ACE: variants seen among roughly 807,000 people sequenced by gnomAD.
The protein encoded by ACE is angiotensin-converting enzyme.
In ACE, 122 loss-of-function variants were observed where a neutral mutation model predicts 162.3. The ratio of observed to expected loss-of-function variants is 0.75; its 90% CI spans 0.65 to 0.87. ACE has a LOEUF of 0.87. Ranked by LOEUF, ACE falls within the 40% of genes least tolerant of loss-of-function variation. The probability of loss-of-function intolerance (pLI) is 0.00; values close to 1 mark genes in which losing one functional copy is unlikely to be tolerated. For missense variants in ACE, 1,799 were observed against 1,735.1 expected (o/e 1.04, Z -0.65); for synonymous variants, 796 against 720.6 (o/e 1.10, Z -1.68).
At chr17:63,485,497 C>T (rs1216457399) in intron 13 of ACE, 125 bp downstream of exon 13, 29 of 1,408,340 alleles carry the variant, frequency 2.1e-5, no homozygotes, top group East Asian at 7.5e-5. Flanking sequence ...TACTCAATTT[C>T]GGGCCGGGCG....
Position 63,494,654 on chromosome 17 carries a change from C to T in ACE, c.3380+184C>T, listed in dbSNP as rs556736932. 5.9e-5 allele frequency among the ~76,000 whole-genome samples: 9 copies of T among 152,358 alleles called. No homozygotes were observed. The East Asian group carries it at 1.7e-3, about 29-fold the overall frequency. Reference sequence around the variant, plus strand: ...GCTGATGGGTTTTTTCTTGAACATTCTTTTGATGAGAGTCTGTACCATCCA... The same window carrying T: ...GCTGATGGGTTTTTTCTTGAACATTTTTTTGATGAGAGTCTGTACCATCCA... On this transcript the variant is annotated intron_variant, in intron 22 of 24. Transcript: ENST00000290866.
In ACE at chr17:63,479,105, G is replaced by A. The variant is rs754592828; in HGVS notation, c.511+5G>A. 101 of 1,609,004 alleles carry A rather than the reference G, an allele frequency of 6.3e-5. No individual in the cohort carries two copies. Among genetic ancestry groups the A allele is most frequent in the Non-Finnish European group, 8.2e-5 (97 of 1,177,676 alleles). On this transcript the variant is annotated splice_donor_5th_base_variant and intron_variant, in intron 3 of 24. Coordinates refer to ENST00000290866, the MANE Select transcript of ACE (RefSeq NM_000789.4). ...CCTGCTGGTCCCTGGACCCAGGTAC[G>A]GCCCTTGCAGCTCCCCTCTCGGCGG... is the stretch of plus-strand genomic sequence containing the variant.
chr17:63,482,223 C>T (rs1006125397), intron 7 of ACE, among the ~76,000 whole-genome samples: 1 of 152,110 alleles, frequency 6.6e-6, no homozygotes, highest in African/African-American at 2.4e-5. Context: ...ATCTCTTGAA[C>T]CCGGGAGGCG....
intron 23 of ACE, 50 bp from the exon 24 acceptor site, chr17:63,496,748 A>G: frequency 6.2e-7 from 1 of 1,606,382 alleles, no homozygotes; most frequent in Non-Finnish European, 8.5e-7. Context: ...GGTGGGGGCA[A>G]GAGGGGCCAT....
intron 22 of ACE, 52 bp downstream of exon 22, chr17:63,494,522 G>C: frequency 6.6e-7 from 1 of 1,516,248 alleles, no homozygotes; most frequent in Non-Finnish European, 9.1e-7. Context: ...CCACAGCTTT[G>C]TGTTTCAACT....
chr17:63,497,250 C>T lies in ACE; in HGVS notation c.3805C>T (p.Leu1269=), dbSNP rs369306676. Residue 1269 remains leucine, a synonymous_variant, in exon 25 of 25, where the codon CTG becomes TTG. Coordinates refer to ENST00000290866, the MANE Select transcript of ACE (RefSeq NM_000789.4). ...GCTGCTGCTCTTCCTGGGCATCGCCCTGCTGGTAGCCACCCTGGGCCTCAG... is the reference window on the plus strand; with the variant it reads ...GCTGCTGCTCTTCCTGGGCATCGCCTTGCTGGTAGCCACCCTGGGCCTCAG... ...QWLLLFLGIA[L]LVATLGLSQR... 9.9e-5 allele frequency: 156 copies of T among 1,575,942 alleles called. No homozygotes were observed. The highest frequency in any genetic ancestry group is 1.3e-4 in the Non-Finnish European group (150 of 1,164,550).
At position 63,490,624 on chromosome 17, in the gene ACE, C is replaced by T. The variant is rs182377948; in HGVS notation, c.2642-330C>T. The T allele has an allele frequency of 6.8e-4, 267 of 390,978 alleles. 1 individual carries two copies. Among genetic ancestry groups the T allele is most frequent in the African/African-American group, 5.2e-3 (252 of 48,484 alleles). 24.2% of individuals were successfully genotyped at this position (390,978 alleles called of 1,614,324 possible). A position where few individuals can be genotyped will look rare whatever the true frequency, so the allele number is the denominator to read the frequency against. ...TGCAGAGCCAATAAGAGGTGGCCACCGGGGTGTAGGTGTTCTGGGGACCTG... is the reference window on the plus strand; with the variant it reads ...TGCAGAGCCAATAAGAGGTGGCCACTGGGGTGTAGGTGTTCTGGGGACCTG... On this transcript the variant is annotated intron_variant, in intron 17 of 24. Transcript: ENST00000290866.
Position 63,484,475 on chromosome 17 carries a change from G to A in ACE, c.1855G>A (p.Glu619Lys), listed in dbSNP as rs375452338. 35 of 1,611,260 alleles carry A rather than the reference G, an allele frequency of 2.2e-5. No individual in the cohort carries two copies. Among genetic ancestry groups the A allele is most frequent in the Admixed American group, 1.0e-4 (6 of 59,848 alleles). The change falls in exon 12 of 25, where the codon GAG becomes AAG. Residue 619 changes from glutamate to lysine, a missense_variant. Coordinates refer to ENST00000290866, the MANE Select transcript of ACE (RefSeq NM_000789.4). The surrounding 1 kb of genome is among the most constrained non-coding windows in gnomAD (Gnocchi z 4.0). ...GCAGGAGCAGAACCAGCAGAACGGC[G>A]AGGTCCTGGGCTGGCCCGAGTACCA... ...WLQEQNQQNG[E>K]VLGWPEYQWH...
At chr17:63,478,676 A>C in intron 2 of ACE, 1 of 409,176 alleles carries the variant, frequency 2.4e-6, no homozygotes, top group Non-Finnish European at 4.6e-6. Context: ...AAAAAGAGAG[A>C]GAGAAAAGGT....
intron 7 of ACE, 65 bp downstream of exon 7, chr17:63,481,803 G>C (rs1392661415): frequency 4.4e-6 from 7 of 1,607,522 alleles, no homozygotes; most frequent in Non-Finnish European, 6.0e-6. Flanking sequence ...AAGGCAGGCA[G>C]CCCAGGCGCA....
chr17:63,478,952 G>C (rs1452658894), intron 2 of ACE, 55 bp from the exon 3 acceptor site: 1 of 1,470,382 alleles, frequency 6.8e-7, no homozygotes, highest in Non-Finnish European at 9.4e-7. Context: ...AGCGAGGGGA[G>C]GGCAGATGTC....
rs762839851 is a variant in ACE, at chr17:63,478,039, A to G, written c.358A>G (p.Ile120Val). The change falls in exon 2 of 25, where the codon ATC becomes GTC. Residue 120 changes from isoleucine (I) to valine (V), a missense_variant. Coordinates refer to ENST00000290866, the MANE Select transcript of ACE (RefSeq NM_000789.4). ...QNFTDPQLRR[I>V]IGAVRTLGSA... ...CTTCACGGACCCGCAGCTGCGCAGG[A>G]TCATCGGAGCTGTGCGCACCCTGGG... 4.4e-6 allele frequency: 7 copies of G among 1,606,580 alleles called. No individual in the cohort carries two copies. In the South Asian group the frequency reaches 6.7e-5, roughly 15 times the overall value.
intron 14 of ACE, 79 bp from the exon 15 acceptor site, chr17:63,486,907 T>C: frequency 6.7e-7 from 1 of 1,500,082 alleles, no homozygotes. Context: ...TGCCAGCCCA[T>C]GGGGCCTGGG....
rs12709417 is a variant in ACE, at chr17:63,478,230, G to A, written c.417+132G>A. The A allele has an allele frequency of 9.3e-4, 1,105 of 1,188,846 alleles. 8 individuals carry two copies. The African/African-American group carries it at 0.014, about 16-fold the overall frequency. The allele number at this position is 1,188,846 out of a possible 1,614,324, so 73.6% of individuals were successfully genotyped here. A position where few individuals can be genotyped will look rare whatever the true frequency, so the allele number is the denominator to read the frequency against. On this transcript the variant is annotated intron_variant, in intron 2 of 24. Transcript: ENST00000290866. ...GGGCCCTGACAGAAGGGAAAGCCCA[G>A]GTAAGCACAGAATGGCTTTCTGAGC...
rs561946751 is a variant in ACE, at chr17:63,488,360, GA to G, written c.2306-267del. The stretch of plus-strand genomic sequence containing the variant: ...GGCAACAGAGTGAGACCCTGTCTCA[GA>G]AAAAAAAAAAAAAAAAAAAAGGAGA... On this transcript the variant is annotated intron_variant, in intron 15 of 24. Coordinates refer to ENST00000290866, the MANE Select transcript of ACE (RefSeq NM_000789.4). 0.033 allele frequency among the ~76,000 whole-genome samples: 3,266 copies of G among 98,220 alleles called. 142 individuals are homozygous for G. Among genetic ancestry groups the G allele is most frequent in the African/African-American group, 0.12 (2,999 of 24,552 alleles). 64.4% of individuals were successfully genotyped at this position (98,220 alleles called of 152,430 possible). A position where few individuals can be genotyped will look rare whatever the true frequency, so the allele number is the denominator to read the frequency against.
At position 63,491,932 on chromosome 17, in the gene ACE, C is replaced by G. The variant is rs1419114778; in HGVS notation, c.2912+551C>G. Among the ~76,000 whole-genome samples, 1 of 152,234 alleles carries G rather than the reference C, an allele frequency of 6.6e-6. No individual in the cohort carries two copies. Among genetic ancestry groups the G allele is most frequent in the Non-Finnish European group, 1.5e-5 (1 of 68,038 alleles). On this transcript the variant is annotated intron_variant, in intron 19 of 24. Coordinates refer to ENST00000290866, the MANE Select transcript of ACE (RefSeq NM_000789.4). The surrounding 1 kb of genome is among the most constrained non-coding windows in gnomAD (Gnocchi z 4.4). ...TCAGGCAGTACACAGTGGAAATGGC[C>G]TTTCTCTACAGGGCCCCCTCTGTTG...
Position 63,496,975 on chromosome 17 carries a change from G to T in ACE, c.3681G>T (p.Thr1227=). 1 of 1,610,748 alleles carries T rather than the reference G, an allele frequency of 6.2e-7. No homozygotes were observed. Among genetic ancestry groups the T allele is most frequent in the African/African-American group, 1.3e-5 (1 of 74,908 alleles). Reference sequence around the variant, plus strand: ...TGGGCTGGCCGCAGTACAACTGGACGCCGAACTCCGGTACCGCCACCCACC... The same window carrying T: ...TGGGCTGGCCGCAGTACAACTGGACTCCGAACTCCGGTACCGCCACCCACC... ...EKLGWPQYNW[T]PNSARSEGPL... Residue 1227 remains threonine (T), a synonymous_variant, in exon 24 of 25, where the codon ACG becomes ACT. Transcript: ENST00000290866.
In ACE at chr17:63,485,353, C is replaced by T; in HGVS notation, c.2039C>T (p.Thr680Ile). 1 of 1,614,070 alleles carries T rather than the reference C, an allele frequency of 6.2e-7. No individual in the cohort carries two copies. Among genetic ancestry groups the T allele is most frequent in the Non-Finnish European group, 8.5e-7 (1 of 1,180,012 alleles). Residue 680 changes from threonine to isoleucine, a missense_variant, in exon 13 of 25, where the codon ACA becomes ATA. Physicochemically the swap from Thr to Ile is moderately conservative, Grantham distance 89 (BLOSUM62 -1). Coordinates refer to ENST00000290866, the MANE Select transcript of ACE (RefSeq NM_000789.4). ...TGGAACTACAACACCAACATCACCA[C>T]AGAGACCAGCAAGATTCTGGTGGGA... Reference protein sequence around the residue: ...ANWNYNTNITTETSKILLQKN... With the variant: ...ANWNYNTNITIETSKILLQKN...
At chr17:63,486,196 T>C (rs1196431347) in intron 13 of ACE, 2 of 346,280 alleles carry the variant, frequency 5.8e-6, no homozygotes, top group Non-Finnish European at 1.1e-5. Flanking sequence ...CCTTGCAAAA[T>C]TGGTGAGCTT....
Sources: gnomAD v4.1 joint callset for allele counts (sites outside exome capture counted in the v4.1 genomes callset) on GRCh38, gnomAD v4.1.1 for gene constraint, Gnocchi (gnomAD v3.1) non-coding constraint, MANE v1.5 for transcripts, NCBI Gene and HGNC (gene_info 2026-07-23, HGNC 2026-07-21) for gene names.